FOXN3: variants seen among roughly 807,000 people sequenced by gnomAD.
FOXN3 encodes forkhead box N3.
In FOXN3, 7 loss-of-function variants were observed where a neutral mutation model predicts 38.4. That is an observed-to-expected ratio of 0.18 (90% CI 0.10 to 0.34). The LOEUF is 0.34. Ranked by LOEUF, FOXN3 falls within the 10% of genes least tolerant of loss-of-function variation. The pLI is 1.00. For missense variants in FOXN3, 456 were observed against 613.4 expected (o/e 0.74, Z 2.71); for synonymous variants, 230 against 242.2 (o/e 0.95, Z 0.47).
chr14:89,499,346 C>T (rs1040109239), intron 1 of FOXN3, among the ~76,000 whole-genome samples: 1 of 152,068 alleles, frequency 6.6e-6, no homozygotes. Context: ...ACTGAAGTGC[C>T]GACTTTTGGA....
chr14:89,188,253 C>T (rs995382125), intron 4 of FOXN3, among the ~76,000 whole-genome samples: 32 of 152,286 alleles, frequency 2.1e-4, no homozygotes, highest in African/African-American at 7.0e-4. Context: ...GAAGTATTTA[C>T]AGTCTGAGTA....
chr14:89,421,200 A>G (rs1249710381), upstream of FOXN3, among the ~76,000 whole-genome samples: 1 of 133,412 alleles, frequency 7.5e-6, no homozygotes, highest in East Asian at 2.2e-4. Flanking sequence ...CCCAGGCTGG[A>G]GTGCAATGGC....
chr14:89,488,135 T>G (rs1230091269), intron 1 of FOXN3, among the ~76,000 whole-genome samples: 1 of 148,018 alleles, frequency 6.8e-6, no homozygotes, highest in African/African-American at 2.5e-5. Flanking sequence ...CAGACTAGAG[T>G]GCAGTGGCAC....
At chr14:89,609,050 A>G (rs777988665) in intron 1 of FOXN3, among the ~76,000 whole-genome samples, 10 of 152,188 alleles carry the variant, frequency 6.6e-5, no homozygotes, top group Non-Finnish European at 1.2e-4. Context: ...AAGGCTGGGA[A>G]GCTAGAAGGA....
At chr14:89,356,318 A>T (rs986251358) in intron 2 of FOXN3, 1 of 151,942 alleles carries the variant, frequency 6.6e-6, no homozygotes, top group African/African-American at 2.4e-5. Flanking sequence ...AATCACTTGA[A>T]CCCTGGAGGC....
intron 3 of FOXN3, among the ~76,000 whole-genome samples, chr14:89,347,437 C>T (rs1390952121): frequency 1.3e-5 from 2 of 152,106 alleles, no homozygotes; most frequent in Non-Finnish European, 2.9e-5. Flanking sequence ...TGGAACAGAC[C>T]CTCCCTCACA....
At chr14:89,432,824 C>CT (rs2140115027) in intron 1 of FOXN3, among the ~76,000 whole-genome samples, 1 of 152,118 alleles carries the variant, frequency 6.6e-6, no homozygotes, top group Admixed American at 6.6e-5. Context: ...TTGAGTTTTG[C>CT]ATAGCATTCT....
intron 1 of FOXN3, among the ~76,000 whole-genome samples, chr14:89,616,567 AC>A (rs1386856384): frequency 3.0e-4 from 34 of 112,212 alleles, no homozygotes; most frequent in Non-Finnish European, 5.0e-4. Context: ...TCAAAATGCC[AC>A]CAGTCTGTAA....
intron 4 of FOXN3, among the ~76,000 whole-genome samples, chr14:89,187,994 C>T (rs999196222): frequency 6.6e-6 from 1 of 152,212 alleles, no homozygotes; most frequent in African/African-American, 2.4e-5. Flanking sequence ...TCTGTTATTC[C>T]TGTCCATGAG....
chr14:89,177,940 C>T (rs146123255), intron 5 of FOXN3, among the ~76,000 whole-genome samples: 13 of 152,312 alleles, frequency 8.5e-5, no homozygotes, highest in Non-Finnish European at 1.6e-4. Flanking sequence ...CCATGATACC[C>T]TGAGTCATCT....
chr14:89,571,037 C>T (rs948778229), intron 1 of FOXN3, among the ~76,000 whole-genome samples: 8 of 152,218 alleles, frequency 5.3e-5, no homozygotes, highest in Admixed American at 5.2e-4. Context: ...AAAGCCCATG[C>T]ACTGTACTCA....
intron 1 of FOXN3, among the ~76,000 whole-genome samples, chr14:89,487,495 A>G (rs1325547307): frequency 1.3e-5 from 2 of 152,228 alleles, no homozygotes; most frequent in Non-Finnish European, 2.9e-5. Context: ...TACATTATCC[A>G]GAAGTAGGGC....
At chr14:89,251,156 G>A (rs1292487569) in intron 4 of FOXN3, among the ~76,000 whole-genome samples, 2 of 152,152 alleles carry the variant, frequency 1.3e-5, no homozygotes, top group Non-Finnish European at 2.9e-5. Context: ...CCCTACTTGT[G>A]AGCCACTGGT....
At chr14:89,432,648 G>A (rs932372637) in intron 1 of FOXN3, among the ~76,000 whole-genome samples, 1 of 151,988 alleles carries the variant, frequency 6.6e-6, no homozygotes, top group Admixed American at 6.6e-5. Context: ...CAGCCCCACC[G>A]CCTTGACCAC....
At chr14:89,369,527 A>G (rs961522474) in intron 2 of FOXN3, among the ~76,000 whole-genome samples, 1 of 149,352 alleles carries the variant, frequency 6.7e-6, no homozygotes, top group Non-Finnish European at 1.5e-5. Flanking sequence ...GCTGACAAGG[A>G]CATACCCAAG....
chr14:89,427,252 GA>G (rs1892056184), intron 1 of FOXN3, among the ~76,000 whole-genome samples: 1 of 100,180 alleles, frequency 1.0e-5, no homozygotes, highest in South Asian at 3.6e-4. Context: ...GAAAAGAGAA[GA>G]AAAAGAAAAA....
Position 89,412,167 on chromosome 14 carries a change from G to A in FOXN3, c.310C>T (p.Pro104Ser), listed in dbSNP as rs369647846. ...TTGGGGTTCTGCCTGGCATCGTAGG[G>A]CATGTCAGAGTGGGCAGGGGATGGG... Reference protein sequence around the residue: ...TPPSPAHSDMPYDARQNPNCK... With the variant: ...TPPSPAHSDMSYDARQNPNCK... The change falls in exon 2 of 6, where the codon CCC becomes TCC. Residue 104 changes from proline to serine, a missense_variant. This residue lies in a region of FOXN3 where 386 missense variants were observed against 505.2 expected (regional missense o/e 0.76). Coordinates refer to ENST00000557258, the MANE Select transcript of FOXN3 (RefSeq NM_005197.4). This position sits in a 1 kb window ranked among gnomAD's most constrained non-coding sequence, Gnocchi z 4.7. 110 of 1,612,068 alleles carry A rather than the reference G, an allele frequency of 6.8e-5. 1 individual carries two copies. The Middle Eastern group carries it at 1.3e-3, about 19-fold the overall frequency.
intron 5 of FOXN3, among the ~76,000 whole-genome samples, chr14:89,169,149 A>G (rs1263590273): frequency 6.6e-6 from 1 of 152,222 alleles, no homozygotes; most frequent in Non-Finnish European, 1.5e-5. Context: ...TGATCAGTAC[A>G]GAAAATGTAG....
chr14:89,533,454 G>A (rs1267712774), intron 1 of FOXN3, among the ~76,000 whole-genome samples: 1 of 152,098 alleles, frequency 6.6e-6, no homozygotes, highest in African/African-American at 2.4e-5. Flanking sequence ...ACGAAGTCAG[G>A]AGATCCAGAC....
Sources: allele counts gnomAD v4.1 joint callset (sites outside exome capture counted in the v4.1 genomes callset), GRCh38; gene constraint gnomAD v4.1.1; regional missense constraint gnomAD v4.1.1; non-coding constraint Gnocchi (gnomAD v3.1); transcripts MANE v1.5; gene names NCBI Gene and HGNC (gene_info 2026-07-23, HGNC 2026-07-21).